Variants in CARNMT1 observed in about 807,000 individuals in gnomAD.
The protein encoded by CARNMT1 is protein-L-histidine N-pros-methyltransferase CARNMT1.
CARNMT1 carries 28 observed loss-of-function variants against 49.6 expected under a neutral mutation model. The observed-to-expected ratio is 0.56, with a 90% CI of 0.42 to 0.77. The LOEUF (loss-of-function observed/expected upper bound fraction) is 0.77. CARNMT1 is among the 30% of genes least tolerant of loss of function. The probability of loss-of-function intolerance (pLI) is 0.00; values close to 1 mark genes in which losing one functional copy is unlikely to be tolerated. For synonymous variants in CARNMT1, 178 were observed against 175.0 expected, an observed-to-expected ratio of 1.02 and a Z score of -0.13; for missense variants, 421 against 512.6, an observed-to-expected ratio of 0.82 and a Z score of 1.73.
upstream of CARNMT1, chr9:75,028,366 G>A: frequency 3.1e-6 from 4 of 1,301,712 alleles, no homozygotes; most frequent in South Asian, 2.4e-5. Flanking sequence ...GGCGCGCTCC[G>A]CCCCCGCCAC....
chr9:75,015,091 A>G (rs1396443257), intron 3 of CARNMT1, among the ~76,000 whole-genome samples: 2 of 152,194 alleles, frequency 1.3e-5, no homozygotes, highest in African/African-American at 4.8e-5. Flanking sequence ...GACAGAGGTT[A>G]GGTGGATTAA....
At chr9:75,027,456 A>C in intron 1 of CARNMT1, 2 of 985,462 alleles carry the variant, frequency 2.0e-6, no homozygotes, top group Non-Finnish European at 2.4e-6. Context: ...ACTGAGCAGC[A>C]TCATTCAATC....
chr9:75,012,105 G>A (rs1382914570), intron 3 of CARNMT1, among the ~76,000 whole-genome samples: 2 of 152,082 alleles, frequency 1.3e-5, no homozygotes, highest in Non-Finnish European at 2.9e-5. Context: ...ACACATACCC[G>A]ATGAAAGGAA....
intron 1 of CARNMT1, among the ~76,000 whole-genome samples, chr9:75,023,171 G>C (rs565020678): frequency 2.5e-4 from 38 of 150,724 alleles, no homozygotes; most frequent in African/African-American, 8.5e-4. Context: ...AAATTAAGGA[G>C]TCATCCTAAA....
At chr9:75,001,285 T>C (rs1833345637) in intron 3 of CARNMT1, among the ~76,000 whole-genome samples, 2 of 152,318 alleles carry the variant, frequency 1.3e-5, no homozygotes, top group South Asian at 2.1e-4. Context: ...AGTTAGAAAT[T>C]ATGCTACCCT....
chr9:75,021,208 A>G (rs1822340795), intron 1 of CARNMT1, among the ~76,000 whole-genome samples: 1 of 148,888 alleles, frequency 6.7e-6, no homozygotes, highest in South Asian at 2.1e-4. Flanking sequence ...TACTATATAT[A>G]TACCTACTGT....
intron 3 of CARNMT1, among the ~76,000 whole-genome samples, chr9:75,013,024 C>T (rs1202763442): frequency 6.6e-6 from 1 of 152,114 alleles, no homozygotes; most frequent in African/African-American, 2.4e-5. Context: ...TCAACTGATA[C>T]TTCTTTTCCT....
rs779243271 is a variant in CARNMT1, at chr9:74,996,487, T to C, written c.984A>G (p.Ile328Met). Residue 328 changes from isoleucine (I) to methionine (M), a missense_variant, in exon 6 of 8, where the codon ATA (isoleucine) becomes ATG (methionine). Physicochemically the swap from Ile to Met is conservative, Grantham distance 10 (BLOSUM62 1). This residue lies in a region of CARNMT1 where 235 missense variants were observed against 344.8 expected (regional missense o/e 0.68). Coordinates refer to ENST00000376834, the MANE Select transcript of CARNMT1 (RefSeq NM_152420.3). ...AHNVIDYIDT[I>M]WKILKPGGIW... Reference sequence around the variant, plus strand: ...TTCCACCTGGCTTGAGTATTTTCCATATTGTATCAATATAATCAATTACAT... The same window carrying C: ...TTCCACCTGGCTTGAGTATTTTCCACATTGTATCAATATAATCAATTACAT... 1.9e-6 allele frequency: 3 copies of C among 1,607,792 alleles called. No individual in the cohort carries two copies. Among genetic ancestry groups the C allele is most frequent in the African/African-American group, 1.3e-5 (1 of 74,764 alleles).
In CARNMT1 at chr9:74,999,717, ATAAAT is replaced by A. The variant is rs1417388809; in HGVS notation, c.731+8_731+12del. 3 of 1,587,400 alleles carry A rather than the reference ATAAAT, an allele frequency of 1.9e-6. No homozygotes were observed. The highest frequency in any genetic ancestry group is 1.4e-5 in the African/African-American group (1 of 73,178). ...GAGAAATTACTATTTCCAGCAAAAA[ATAAAT>A]TAAATACCTGTTGAGTACAAAGTTG... On this transcript the variant is annotated splice_region_variant and intron_variant, in intron 4 of 7. Coordinates refer to ENST00000376834, the MANE Select transcript of CARNMT1 (RefSeq NM_152420.3).
Position 74,983,535 on chromosome 9 carries a change from A to G in CARNMT1, c.*232T>C, listed in dbSNP as rs1046835093. The G allele has an allele frequency of 2.1e-5, 7 of 338,910 alleles. No individual in the cohort carries two copies. The highest frequency in any genetic ancestry group is 1.5e-4 in the African/African-American group (7 of 47,538). 21.0% of individuals were successfully genotyped at this position (338,910 alleles called of 1,614,324 possible). ...GGCTTCAAGGAAAAAGTATACTTCA[A>G]GACATTTCCTCCATTTTTACTTGTG... On this transcript the variant is annotated 3_prime_UTR_variant, in exon 8 of 8. Coordinates refer to ENST00000376834, the MANE Select transcript of CARNMT1 (RefSeq NM_152420.3).
Position 75,018,714 on chromosome 9 carries a change from C to A in CARNMT1, c.231-1266G>T, listed in dbSNP as rs537094597. On this transcript the variant is annotated intron_variant, in intron 1 of 7. Transcript: ENST00000376834. ...GGCGCAGTGGCTCATCCCTGTAATCCCTTGGCACTTTGGGAGGCCAATGTG... is the reference window on the plus strand; with the variant it reads ...GGCGCAGTGGCTCATCCCTGTAATCACTTGGCACTTTGGGAGGCCAATGTG... Among the ~76,000 whole-genome samples, 13 of 152,168 alleles carry A rather than the reference C, an allele frequency of 8.5e-5. No homozygotes were observed. In the South Asian group the frequency reaches 2.7e-3, roughly 32 times the overall value.
At chr9:75,015,457 T>A (rs936754493) in intron 3 of CARNMT1, among the ~76,000 whole-genome samples, 4 of 152,194 alleles carry the variant, frequency 2.6e-5, no homozygotes, top group Non-Finnish European at 4.4e-5. Flanking sequence ...TCAGTTTTCT[T>A]TGTAATCATA....
chr9:75,006,121 G>A (rs1336447384), intron 3 of CARNMT1, among the ~76,000 whole-genome samples: 2 of 151,352 alleles, frequency 1.3e-5, no homozygotes, highest in African/African-American at 4.9e-5. Flanking sequence ...GCTCTATCTC[G>A]GCTCACTGCA....
At chr9:75,019,426 C>T (rs1377542068) in intron 1 of CARNMT1, among the ~76,000 whole-genome samples, 1 of 152,200 alleles carries the variant, frequency 6.6e-6, no homozygotes, top group Non-Finnish European at 1.5e-5. Context: ...AAATATGCAT[C>T]TGTCAAGAAT....
chr9:75,012,128 T>C (rs2118842020), intron 3 of CARNMT1, among the ~76,000 whole-genome samples: 2 of 152,318 alleles, frequency 1.3e-5, no homozygotes, highest in Non-Finnish European at 2.9e-5. Flanking sequence ...GAGATTTTTC[T>C]GCTAGCAAAT....
At chr9:75,002,926 T>C (rs1488015905) in intron 3 of CARNMT1, among the ~76,000 whole-genome samples, 1 of 151,902 alleles carries the variant, frequency 6.6e-6, no homozygotes, top group Non-Finnish European at 1.5e-5. Flanking sequence ...TTTTTAGAGA[T>C]GGGGTTTCGC....
intron 4 of CARNMT1, among the ~76,000 whole-genome samples, chr9:74,999,209 C>G (rs554860913): frequency 1.3e-5 from 2 of 152,192 alleles, no homozygotes; most frequent in South Asian, 4.1e-4. Context: ...AACAAGGCAG[C>G]TACTCAATGT....
chr9:75,001,961 CA>C lies in CARNMT1; in HGVS notation c.591-2092del, dbSNP rs1286944399. Among the ~76,000 whole-genome samples, 7 of 152,152 alleles carry C rather than the reference CA, an allele frequency of 4.6e-5. No individual in the cohort carries two copies. The South Asian group carries it at 1.0e-3, about 23-fold the overall frequency. ...GGCATACAATATGTGGCTCAGTAAT[CA>C]AATGGTGCCTACTTGAGATTCTTAG... On this transcript the variant is annotated intron_variant, in intron 3 of 7. Coordinates refer to ENST00000376834, the MANE Select transcript of CARNMT1 (RefSeq NM_152420.3).
chr9:74,988,092 T>G (rs1414298014), intron 6 of CARNMT1, among the ~76,000 whole-genome samples: 1 of 151,690 alleles, frequency 6.6e-6, no homozygotes, highest in Non-Finnish European at 1.5e-5. Flanking sequence ...TTATTTAACT[T>G]TTTTTTTAGA....
Sources: gnomAD v4.1 joint callset for allele counts (sites outside exome capture counted in the v4.1 genomes callset) on GRCh38, gnomAD v4.1.1 for gene constraint, gnomAD v4.1.1 regional missense constraint, MANE v1.5 for transcripts, NCBI Gene and HGNC (gene_info 2026-07-23, HGNC 2026-07-21) for gene names.